Variants in CENPI observed in about 807,000 individuals in gnomAD.
CENPI encodes the protein FSH primary response 1.
In CENPI, 4 loss-of-function variants were observed where a neutral mutation model predicts 60.4. The ratio of observed to expected loss-of-function variants is 0.07; its 90% confidence interval spans 0.03 to 0.15. CENPI has a LOEUF of 0.15. Ranked by LOEUF, CENPI falls within the 10% of genes least tolerant of loss-of-function variation. The pLI is 1.00. For synonymous variants in CENPI, 157 were observed against 189.4 expected (o/e 0.83, Z 1.40); for missense variants, 444 against 534.5 (o/e 0.83, Z 1.67).
chrX:101,121,904 G>A (rs192329086), intron 8 of CENPI, among the ~76,000 whole-genome samples: 46 of 103,737 alleles, frequency 4.4e-4, no homozygotes, highest in Non-Finnish European at 9.8e-5. Flanking sequence ...CCGGGTTCAA[G>A]CGATTCTCCT....
chrX:101,151,234 G>A (rs991175543), intron 20 of CENPI, among the ~76,000 whole-genome samples: 4 of 111,184 alleles, frequency 3.6e-5, no homozygotes, highest in Admixed American at 1.9e-4. Flanking sequence ...AGCCCATTGG[G>A]TTTCCAAGTT....
intron 6 of CENPI, among the ~76,000 whole-genome samples, chrX:101,115,564 A>G (rs1341071211): frequency 9.0e-6 from 1 of 110,729 alleles, no homozygotes; most frequent in African/African-American, 3.3e-5. Context: ...GAGTCTCACT[A>G]TGTTGCCCAG....
intron 15 of CENPI, among the ~76,000 whole-genome samples, chrX:101,136,246 A>T (rs1304633346): frequency 8.9e-6 from 1 of 111,868 alleles, no homozygotes; most frequent in Non-Finnish European, 1.9e-5. Flanking sequence ...GAGCTAGGAT[A>T]TGATTAAGGT....
chrX:101,123,738 C>T (rs2089703989), intron 8 of CENPI, among the ~76,000 whole-genome samples: 1 of 109,330 alleles, frequency 9.1e-6, no homozygotes, highest in African/African-American at 3.3e-5. Context: ...CAGGCATGCA[C>T]CACCAGGCCT....
intron 4 of CENPI, among the ~76,000 whole-genome samples, chrX:101,104,911 A>G (rs2089465717): frequency 9.0e-6 from 1 of 110,829 alleles, no homozygotes; most frequent in Admixed American, 9.7e-5. Flanking sequence ...TTATATACTA[A>G]GTATTTCCTG....
chrX:101,139,758 A>G (rs1448166521), intron 15 of CENPI, among the ~76,000 whole-genome samples: 1 of 110,745 alleles, frequency 9.0e-6, no homozygotes, highest in Non-Finnish European at 1.9e-5. Flanking sequence ...TTGCTTTCAA[A>G]TTTATAGATA....
chrX:101,170,605 C>T (rs1426485849), downstream of CENPI, among the ~76,000 whole-genome samples: 5 of 111,679 alleles, frequency 4.5e-5, no homozygotes, highest in East Asian at 1.1e-3. Context: ...TAGCAATACA[C>T]CCCAAACTGA....
intron 8 of CENPI, among the ~76,000 whole-genome samples, chrX:101,123,811 C>T (rs936768815): frequency 9.0e-6 from 1 of 110,895 alleles, no homozygotes; most frequent in African/African-American, 3.3e-5. Context: ...TGGTCTCAAA[C>T]TCTTGGGCTC....
intron 8 of CENPI, among the ~76,000 whole-genome samples, chrX:101,122,859 C>T (rs150539336): frequency 0.019 from 2,112 of 111,528 alleles, 44 homozygotes; most frequent in African/African-American, 0.066. Flanking sequence ...GGGCAAGACT[C>T]CGTCTCCAAA....
At chrX:101,176,426 T>A in the CENPI span, among the ~76,000 whole-genome samples, 1 of 111,195 alleles carries the variant, frequency 9.0e-6, no homozygotes, top group Non-Finnish European at 1.9e-5. Flanking sequence ...CCCTTTCACA[T>A]CCTTGCCAGC....
At chrX:101,138,832 C>T (rs1360181340) in intron 15 of CENPI, among the ~76,000 whole-genome samples, 1 of 107,219 alleles carries the variant, frequency 9.3e-6, no homozygotes, top group Admixed American at 1.0e-4. Flanking sequence ...TGCCATGTTG[C>T]CCAGGCTGGT....
intron 5 of CENPI, 144 bp downstream of exon 5, chrX:101,109,735 T>A: frequency 1.7e-6 from 1 of 577,097 alleles, no homozygotes; most frequent in Non-Finnish European, 2.9e-6. Flanking sequence ...AAGGACTATG[T>A]TCAAACAGAA....
At chrX:101,102,558 A>C in intron 4 of CENPI, 147 bp downstream of exon 4, 1 of 243,641 alleles carries the variant, frequency 4.1e-6, no homozygotes, top group Non-Finnish European at 6.9e-6. Flanking sequence ...ACAGCATCTC[A>C]CTATATTGCC....
chrX:101,120,744 C>A lies in CENPI; in HGVS notation c.647C>A (p.Pro216Gln), dbSNP rs1359828481. The change falls in exon 8 of 22, where the codon CCA becomes CAA. Residue 216 changes from proline to glutamine, a missense_variant. Coordinates refer to ENST00000682095, the MANE Select transcript of CENPI (RefSeq NM_001386188.2). ...YLLTKKENVK[P>Q]FRVRKLLDLQ... ...TTTCCTTTATGTTTTCTAGTCAAACCATTTCGTGTGAGAAAACTGCTTGAT... is the reference window on the plus strand; with the variant it reads ...TTTCCTTTATGTTTTCTAGTCAAACAATTTCGTGTGAGAAAACTGCTTGAT... 2 of 1,208,481 alleles carry A rather than the reference C, an allele frequency of 1.7e-6. No individual in the cohort carries two copies. The highest frequency in any genetic ancestry group is 3.0e-5 in the East Asian group (1 of 33,807).
chrX:101,140,232 G>A (rs1469475343), intron 15 of CENPI, among the ~76,000 whole-genome samples: 2 of 111,704 alleles, frequency 1.8e-5, no homozygotes, highest in Admixed American at 9.6e-5. Flanking sequence ...CAAAGTCACA[G>A]AAGATAAGAT....
intron 4 of CENPI, 79 bp downstream of exon 4, chrX:101,102,490 T>TACACACACACACACAC (rs776207901): frequency 1.9e-4 from 55 of 295,980 alleles, no homozygotes; most frequent in South Asian, 3.8e-4. Flanking sequence ...AAATCTTATA[T>TACACACACACACACAC]ATATATACAC....
chrX:101,112,015 A>T (rs1244038098), intron 6 of CENPI, among the ~76,000 whole-genome samples: 1 of 111,566 alleles, frequency 9.0e-6, no homozygotes, highest in Non-Finnish European at 1.9e-5. Context: ...CTGGCGACAG[A>T]GTGAGACTCT....
At chrX:101,176,724 C>A in the CENPI span, among the ~76,000 whole-genome samples, 19,117 of 112,116 alleles carry the variant, frequency 0.17, 1,334 homozygotes, top group Middle Eastern at 0.23. Flanking sequence ...TTCAACGATG[C>A]CTCTACTCTG....
At chrX:101,114,977 T>G (rs944115119) in intron 6 of CENPI, among the ~76,000 whole-genome samples, 2 of 104,669 alleles carry the variant, frequency 1.9e-5, no homozygotes, top group African/African-American at 7.1e-5. Flanking sequence ...TTAATTTATT[T>G]TTTGAGACAG....
Sources: allele counts gnomAD v4.1 joint callset (sites outside exome capture counted in the v4.1 genomes callset), GRCh38; gene constraint gnomAD v4.1.1; transcripts MANE v1.5; gene names NCBI Gene and HGNC (gene_info 2026-07-23, HGNC 2026-07-21).